The following CNGB3 variants were observed in gnomAD, a reference collection of about 807,000 sequenced individuals.
The protein encoded by CNGB3 is cyclic nucleotide gated channel subunit beta 3, also known as cyclic nucleotide-gated channel beta-3.
In CNGB3, 86 loss-of-function variants were observed where a neutral mutation model predicts 92.8. The observed-to-expected ratio is 0.93, with a 90% confidence interval of 0.78 to 1.11. CNGB3 has a LOEUF of 1.11. CNGB3 is among the 50% of genes least tolerant of loss of function. CNGB3 has a pLI of 0.00. For missense variants in CNGB3, 1,026 were observed against 956.8 expected (o/e 1.07, Z -0.95); for synonymous variants, 333 against 332.7 (o/e 1.00, Z -0.01).
intron 5 of CNGB3, among the ~76,000 whole-genome samples, chr8:86,667,654 A>G (rs545530421): frequency 6.6e-6 from 1 of 152,328 alleles, no homozygotes; most frequent in Non-Finnish European, 1.5e-5. Flanking sequence ...GGGAGGCTGC[A>G]GGAAAGGATT....
In CNGB3 at chr8:86,614,471, C is replaced by A. The variant is rs562743850; in HGVS notation, c.1579-2800G>T. Among the ~76,000 whole-genome samples the A allele has an allele frequency of 6.4e-3, 978 of 152,250 alleles. 3 individuals carry two copies. Among genetic ancestry groups the A allele is most frequent in the Middle Eastern group, 0.01 (3 of 294 alleles). Reference sequence around the variant, plus strand: ...TCTCTCTCTCTCCCCACTGGTTGAGCACGAGTGTTACCCCTTCCCATTGGC... The same window carrying A: ...TCTCTCTCTCTCCCCACTGGTTGAGAACGAGTGTTACCCCTTCCCATTGGC... On this transcript the variant is annotated intron_variant, in intron 13 of 17. Coordinates refer to ENST00000320005, the MANE Select transcript of CNGB3 (RefSeq NM_019098.5).
In CNGB3 at chr8:86,625,470, C is replaced by G. The variant is rs1489685076; in HGVS notation, c.1578+513G>C. ...AAAGAGTAGTAATACTTAAAACACT[C>G]AAAAAGTTAAAAATTTCTTTGTTAT... On this transcript the variant is annotated intron_variant, in intron 13 of 17. Transcript: ENST00000320005. 2.6e-5 allele frequency among the ~76,000 whole-genome samples: 4 copies of G among 152,008 alleles called. No individual in the cohort carries two copies. The East Asian group carries it at 7.7e-4, about 29-fold the overall frequency.
intron 3 of CNGB3, among the ~76,000 whole-genome samples, chr8:86,693,420 T>A (rs373064238): frequency 4.7e-4 from 25 of 53,172 alleles, no homozygotes; most frequent in Middle Eastern, 0.013. Context: ...TTCATTTTTT[T>A]TTATTATTAT....
intron 10 of CNGB3, among the ~76,000 whole-genome samples, chr8:86,638,835 T>TG (rs1206854643): frequency 6.6e-6 from 1 of 151,710 alleles, no homozygotes; most frequent in African/African-American, 2.4e-5. Flanking sequence ...TGGGTTTTTT[T>TG]TTTTGTTTTG....
chr8:86,682,865 G>A (rs1824110039), intron 3 of CNGB3, among the ~76,000 whole-genome samples: 1 of 152,170 alleles, frequency 6.6e-6, no homozygotes, highest in Non-Finnish European at 1.5e-5. Flanking sequence ...TCCTGCTTCT[G>A]CACATTGGGA....
chr8:86,627,092 T>G (rs564826383), intron 12 of CNGB3, among the ~76,000 whole-genome samples: 6 of 46,724 alleles, frequency 1.3e-4, no homozygotes, highest in African/African-American at 1.8e-4. Flanking sequence ...CAAGAGTTTC[T>G]GAGAGTTGAT....
At chr8:86,640,468 T>G (rs1823159808) in intron 10 of CNGB3, among the ~76,000 whole-genome samples, 1 of 152,088 alleles carries the variant, frequency 6.6e-6, no homozygotes. Flanking sequence ...CTAGCCAGTT[T>G]TATCCAGCAT....
chr8:86,641,976 A>G (rs13267795), intron 10 of CNGB3, among the ~76,000 whole-genome samples: 9,198 of 151,904 alleles, frequency 0.061, 317 homozygotes, highest in South Asian at 0.11. Flanking sequence ...CTTATGGGCT[A>G]AAGCTGAGAT....
intron 3 of CNGB3, among the ~76,000 whole-genome samples, chr8:86,674,941 TTTGTTGTTGTTGTTGTTG>T (rs79993104): frequency 1.3e-5 from 2 of 149,342 alleles, no homozygotes; most frequent in Non-Finnish European, 3.0e-5. Flanking sequence ...TTTCTCTCTT[TTTGTTGTTGTTGTTGTTG>T]TTGTTGTTGT....
chr8:86,646,932 C>A (rs1823300644), intron 8 of CNGB3, among the ~76,000 whole-genome samples: 1 of 151,198 alleles, frequency 6.6e-6, no homozygotes, highest in African/African-American at 2.4e-5. Flanking sequence ...CCAACAGTCT[C>A]ACTCTTACTC....
At chr8:86,654,599 C>A (rs1301033736) in intron 6 of CNGB3, among the ~76,000 whole-genome samples, 1 of 152,038 alleles carries the variant, frequency 6.6e-6, no homozygotes, top group Non-Finnish European at 1.5e-5. Context: ...CTAGAATATA[C>A]TAAAAGCCCA....
At chr8:86,669,230 G>A (rs968388126) in intron 4 of CNGB3, among the ~76,000 whole-genome samples, 7 of 151,518 alleles carry the variant, frequency 4.6e-5, no homozygotes, top group Admixed American at 1.3e-4. Context: ...TTTTTAAACT[G>A]TCTCAAATAA....
chr8:86,714,085 T>C (rs1377283339), intron 3 of CNGB3, among the ~76,000 whole-genome samples: 2 of 152,184 alleles, frequency 1.3e-5, no homozygotes, highest in Non-Finnish European at 2.9e-5. Context: ...TTCTATGAGT[T>C]AGGACAAATT....
At chr8:86,594,692 CT>C in intron 15 of CNGB3, 1 of 123,970 alleles carries the variant, frequency 8.1e-6, no homozygotes, top group Non-Finnish European at 1.4e-5. Flanking sequence ...CTTTAGACAG[CT>C]TTTTTGTTTG....
intron 6 of CNGB3, among the ~76,000 whole-genome samples, chr8:86,666,089 G>A (rs1823734996): frequency 6.6e-6 from 1 of 152,098 alleles, no homozygotes; most frequent in Non-Finnish European, 1.5e-5. Flanking sequence ...ACAACACCAG[G>A]CTGTCTCCTA....
chr8:86,642,273 A>G (rs1284771750), intron 10 of CNGB3, among the ~76,000 whole-genome samples: 1 of 151,780 alleles, frequency 6.6e-6, no homozygotes, highest in Non-Finnish European at 1.5e-5. Context: ...ATGTTGGATT[A>G]CATATTCACT....
At chr8:86,659,195 C>A in intron 6 of CNGB3, 1 of 715,266 alleles carries the variant, frequency 1.4e-6, no homozygotes, top group Non-Finnish European at 2.6e-6. Flanking sequence ...CTGACATCGG[C>A]TGCATCCTCT....
At chr8:86,697,016 C>A (rs1824462724) in intron 3 of CNGB3, among the ~76,000 whole-genome samples, 1 of 151,626 alleles carries the variant, frequency 6.6e-6, no homozygotes, top group Non-Finnish European at 1.5e-5. Flanking sequence ...CAGAGAAGAT[C>A]ACCTTCACTA....
At position 86,658,957 on chromosome 8, in the gene CNGB3, C is replaced by T. The variant is rs1387391822; in HGVS notation, c.853-4895G>A. 8 of 1,082,190 alleles carry T rather than the reference C, an allele frequency of 7.4e-6. No homozygotes were observed. The East Asian group carries it at 9.6e-5, about 13-fold the overall frequency. The allele number at this position is 1,082,190 out of a possible 1,614,324, so 67.0% of individuals were successfully genotyped here. On this transcript the variant is annotated intron_variant, in intron 6 of 17. Coordinates refer to ENST00000320005, the MANE Select transcript of CNGB3 (RefSeq NM_019098.5). ...TGCTCTCGGTTCAGGAGACTCAAGC[C>T]CTCATTGTCTTGCACCTGGGCTTGG...
Sources: allele counts gnomAD v4.1 joint callset (sites outside exome capture counted in the v4.1 genomes callset), GRCh38; gene constraint gnomAD v4.1.1; transcripts MANE v1.5; gene names NCBI Gene and HGNC (gene_info 2026-07-23, HGNC 2026-07-21).